Variants in USP6NL observed in about 807,000 individuals in gnomAD.
USP6NL encodes the protein USP6 N-terminal-like protein.
USP6NL carries 26 observed loss-of-function variants against 61.9 expected under a neutral mutation model. That is an observed-to-expected ratio of 0.42 (90% CI 0.31 to 0.58). The LOEUF (loss-of-function observed/expected upper bound fraction) is 0.58. Ranked by LOEUF, USP6NL falls within the 20% of genes least tolerant of loss-of-function variation. The pLI is 0.16. For missense variants in USP6NL, 1,114 were observed against 1,034.3 expected, an observed-to-expected ratio of 1.08 and a Z score of -1.06; for synonymous variants, 432 against 390.1, an observed-to-expected ratio of 1.11 and a Z score of -1.27.
At chr10:11,572,492 A>T (rs1195852179) in intron 2 of USP6NL, among the ~76,000 whole-genome samples, 3 of 146,272 alleles carry the variant, frequency 2.1e-5, no homozygotes, top group Non-Finnish European at 4.5e-5. Context: ...AAAATGAAAT[A>T]AAAAAAAAAA....
In USP6NL at chr10:11,583,184, A is replaced by ATTT. The variant is rs11432382; in HGVS notation, c.4+14444_4+14446dup. On this transcript the variant is annotated intron_variant, in intron 2 of 14. Transcript: ENST00000609104. ...TAATTTACATATTATTATGTTTTCA[A>ATTT]TTTTTTTTTTTTTTTTTTCCCTGAG... is the stretch of plus-strand genomic sequence containing the variant. 1.8e-3 allele frequency among the ~76,000 whole-genome samples: 235 copies of ATTT among 133,600 alleles called. 2 individuals are homozygous for ATTT. Among genetic ancestry groups the ATTT allele is most frequent in the African/African-American group, 6.1e-3 (217 of 35,728 alleles). 87.6% of individuals were successfully genotyped at this position (133,600 alleles called of 152,430 possible). A position where few individuals can be genotyped will look rare whatever the true frequency, so the allele number is the denominator to read the frequency against.
At chr10:11,541,991 G>A (rs1280174826) in intron 2 of USP6NL, among the ~76,000 whole-genome samples, 2 of 152,174 alleles carry the variant, frequency 1.3e-5, no homozygotes, top group African/African-American at 4.8e-5. Flanking sequence ...TAGATGGAAA[G>A]CTGTAGGACA....
At chr10:11,593,834 A>C (rs145872367) in intron 2 of USP6NL, among the ~76,000 whole-genome samples, 1 of 152,330 alleles carries the variant, frequency 6.6e-6, no homozygotes, top group East Asian at 1.9e-4. Context: ...AGGTGCCTCT[A>C]AGCTCTAAAC....
In USP6NL at chr10:11,489,216, C is replaced by T. The variant is rs777487938; in HGVS notation, c.550G>A (p.Gly184Arg). ...AAYSIYNTEVGYCQGMSQITA... is the reference protein window; with the variant it reads ...AAYSIYNTEVRYCQGMSQITA... ...ATCTGGCTCATCCCCTGACAATACC[C>T]GACTTCCTGGGGAGCAAAGGGGAAC... The change falls in exon 10 of 15, where the codon GGG becomes AGG. Residue 184 changes from glycine to arginine, a missense_variant. Gly to Arg is a moderately radical substitution (Grantham distance 125). Transcript: ENST00000609104. The surrounding 1 kb of genome is among the most constrained non-coding windows in gnomAD (Gnocchi z 5.7). 6.2e-7 allele frequency: 1 copy of T among 1,613,644 alleles called. No individual in the cohort carries two copies. The highest frequency in any genetic ancestry group is 1.1e-5 in the South Asian group (1 of 91,046).
At chr10:11,545,239 C>T (rs1350671667) in intron 2 of USP6NL, among the ~76,000 whole-genome samples, 1 of 152,190 alleles carries the variant, frequency 6.6e-6, no homozygotes, top group Non-Finnish European at 1.5e-5. Flanking sequence ...CCCCACCCTC[C>T]CTCAGCCTCC....
chr10:11,593,990 T>G (rs1053345560), intron 2 of USP6NL, among the ~76,000 whole-genome samples: 5 of 152,180 alleles, frequency 3.3e-5, no homozygotes, highest in African/African-American at 7.2e-5. Context: ...AGAAAAATAT[T>G]GGGGGGGAAA....
chr10:11,489,372 T>C lies in USP6NL; in HGVS notation c.544-150A>G, dbSNP rs1833614811. The C allele has an allele frequency of 1.0e-6, 1 of 981,562 alleles. No homozygotes were observed. Among genetic ancestry groups the C allele is most frequent in the Non-Finnish European group, 1.4e-6 (1 of 716,128 alleles). The allele number at this position is 981,562 out of a possible 1,614,324, so 60.8% of individuals were successfully genotyped here. ...GAGACAAATACTATACTCTTTACAG[T>C]ATTATGCCACATAAGAGAATAAAAT... On this transcript the variant is annotated intron_variant, in intron 9 of 14. Transcript: ENST00000609104. This position sits in a 1 kb window ranked among gnomAD's most constrained non-coding sequence, Gnocchi z 5.7.
In USP6NL at chr10:11,597,559, T is replaced by C. The variant is rs1042943416; in HGVS notation, c.4+72A>G. The C allele has an allele frequency of 6.7e-6, 10 of 1,482,992 alleles. No individual in the cohort carries two copies. The highest frequency in any genetic ancestry group is 9.2e-6 in the Non-Finnish European group (10 of 1,084,722). The allele number at this position is 1,482,992 out of a possible 1,614,324, so 91.9% of individuals were successfully genotyped here. On this transcript the variant is annotated intron_variant, in intron 2 of 14. Transcript: ENST00000609104. The surrounding 1 kb of genome is among the most constrained non-coding windows in gnomAD (Gnocchi z 4.6). ...TAATTCCAATTTATTCAGTAACATG[T>C]TTTTCTTCTCCTAAGCACAATACAG...
At chr10:11,606,809 TGA>T in intron 1 of USP6NL, among the ~76,000 whole-genome samples, 1 of 151,786 alleles carries the variant, frequency 6.6e-6, no homozygotes, top group Non-Finnish European at 1.5e-5. Context: ...TTTTTTTTTT[TGA>T]CACGGAGTTT....
intron 5 of USP6NL, among the ~76,000 whole-genome samples, chr10:11,516,751 C>A (rs979053987): frequency 6.6e-6 from 1 of 152,176 alleles, no homozygotes; most frequent in Non-Finnish European, 1.5e-5. Flanking sequence ...ACGCATAGAT[C>A]ATTTTTTAGT....
At chr10:11,504,982 T>C (rs1402097284) in intron 6 of USP6NL, among the ~76,000 whole-genome samples, 1 of 152,122 alleles carries the variant, frequency 6.6e-6, no homozygotes, top group Non-Finnish European at 1.5e-5. Flanking sequence ...AAAAGATACA[T>C]ACAATTCTAA....
intron 2 of USP6NL, among the ~76,000 whole-genome samples, chr10:11,527,790 G>C (rs1177203091): frequency 6.6e-6 from 1 of 152,122 alleles, no homozygotes; most frequent in East Asian, 1.9e-4. Context: ...CATAAACTTA[G>C]GACATGATAA....
chr10:11,489,245 G>GA lies in USP6NL; in HGVS notation c.544-24dup, dbSNP rs772685902. On this transcript the variant is annotated intron_variant, in intron 9 of 14. Transcript: ENST00000609104. The surrounding 1 kb of genome is among the most constrained non-coding windows in gnomAD (Gnocchi z 5.7). ...TTCCTGGGGAGCAAAGGGGAACACA[G>GA]AAGCTGGGGAGTTCAGTCGAATTAC... 6.2e-7 allele frequency: 1 copy of GA among 1,612,544 alleles called. No homozygotes were observed. Among genetic ancestry groups the GA allele is most frequent in the South Asian group, 1.1e-5 (1 of 90,902 alleles).
At chr10:11,609,278 G>A (rs1371548282) in intron 1 of USP6NL, among the ~76,000 whole-genome samples, 1 of 152,078 alleles carries the variant, frequency 6.6e-6, no homozygotes, top group Non-Finnish European at 1.5e-5. Context: ...TGTTAGCCAG[G>A]CTGGTCTTGA....
Position 11,491,373 on chromosome 10 carries a change from G to T in USP6NL, c.495-493C>A, listed in dbSNP as rs572394118. Reference sequence around the variant, plus strand: ...GATTCAAAGGCTGCAAGTAGGAGTGGCTCCACTCATCATTCTCTCTAGAGA... The same window carrying T: ...GATTCAAAGGCTGCAAGTAGGAGTGTCTCCACTCATCATTCTCTCTAGAGA... On this transcript the variant is annotated intron_variant, in intron 8 of 14. Coordinates refer to ENST00000609104, the MANE Select transcript of USP6NL (RefSeq NM_014688.5). The surrounding 1 kb of genome is among the most constrained non-coding windows in gnomAD (Gnocchi z 4.7). Among the ~76,000 whole-genome samples, 2 of 152,308 alleles carry T rather than the reference G, an allele frequency of 1.3e-5. No homozygotes were observed. Among genetic ancestry groups the T allele is most frequent in the African/African-American group, 2.4e-5 (1 of 41,568 alleles).
In USP6NL at chr10:11,562,473, G is replaced by C. The variant is rs1836981607; in HGVS notation, c.5-34906C>G. On this transcript the variant is annotated intron_variant, in intron 2 of 14. Transcript: ENST00000609104. The surrounding 1 kb of genome is among the most constrained non-coding windows in gnomAD (Gnocchi z 4.8). ...AGTCATCACGTATCTCTGAGGACAAGGATTAAGTGTGGCTGAGGAGAAACG... is the reference window on the plus strand; with the variant it reads ...AGTCATCACGTATCTCTGAGGACAACGATTAAGTGTGGCTGAGGAGAAACG... 1.0e-6 allele frequency: 1 copy of C among 985,280 alleles called. No homozygotes were observed. The highest frequency in any genetic ancestry group is 1.2e-6 in the Non-Finnish European group (1 of 829,928). 61.0% of individuals were successfully genotyped at this position (985,280 alleles called of 1,614,324 possible).
rs1477174788 is a variant in USP6NL at position 11,554,796 on chromosome 10, G to A, written c.5-27229C>T. ...AAACAGAGATAGACCCACAAAGTAA[G>A]GCAGCTTTTTTTTTTTTTTTTGAGG... On this transcript the variant is annotated intron_variant, in intron 2 of 14. Transcript: ENST00000609104. Among the ~76,000 whole-genome samples the A allele has an allele frequency of 2.0e-5, 3 of 146,642 alleles. No homozygotes were observed. The Admixed American group carries it at 2.1e-4, about 10-fold the overall frequency.
At chr10:11,580,456 C>CA (rs1003181894) in intron 2 of USP6NL, among the ~76,000 whole-genome samples, 42 of 151,086 alleles carry the variant, frequency 2.8e-4, no homozygotes, top group Non-Finnish European at 4.0e-4. Context: ...TTTATAATTG[C>CA]AAAAAAAATG....
Position 11,585,520 on chromosome 10 carries a change from G to A in USP6NL, c.4+12111C>T, listed in dbSNP as rs2133621734. 6.6e-6 allele frequency among the ~76,000 whole-genome samples: 1 copy of A among 152,168 alleles called. No homozygotes were observed. Among genetic ancestry groups the A allele is most frequent in the East Asian group, 1.9e-4 (1 of 5,178 alleles). ...TACTAAAAATACAAAAAATTAGCTG[G>A]GCGTGGTGGCGGGCACCTGTACTCC... On this transcript the variant is annotated intron_variant, in intron 2 of 14. Coordinates refer to ENST00000609104, the MANE Select transcript of USP6NL (RefSeq NM_014688.5). This position sits in a 1 kb window ranked among gnomAD's most constrained non-coding sequence, Gnocchi z 4.5.
Sources: allele counts gnomAD v4.1 joint callset (sites outside exome capture counted in the v4.1 genomes callset), GRCh38; gene constraint gnomAD v4.1.1; non-coding constraint Gnocchi (gnomAD v3.1); transcripts MANE v1.5; gene names NCBI Gene and HGNC (gene_info 2026-07-23, HGNC 2026-07-21).